IQCK: variants seen among roughly 807,000 people sequenced by gnomAD.
IQCK encodes IQ domain-containing protein K.
In IQCK, 29 loss-of-function variants were observed where a neutral mutation model predicts 28.1. That is an observed-to-expected ratio of 1.03 (90% confidence interval 0.77 to 1.41). The LOEUF is 1.41. Ranked by LOEUF, IQCK falls within the 40% of genes most tolerant of loss-of-function variation. The probability of loss-of-function intolerance (pLI) is 0.00; values close to 1 mark genes in which losing one functional copy is unlikely to be tolerated. For synonymous variants in IQCK, 113 were observed against 115.1 expected, an observed-to-expected ratio of 0.98 and a Z score of 0.12; for missense variants, 359 against 314.7, an observed-to-expected ratio of 1.14 and a Z score of -1.07.
chr16:19,827,625 G>A (rs956319208), downstream of IQCK, among the ~76,000 whole-genome samples: 1 of 152,018 alleles, frequency 6.6e-6, no homozygotes, highest in Non-Finnish European at 1.5e-5. Flanking sequence ...TTTCCAGAGA[G>A]ATTAGCATTT....
downstream of IQCK, among the ~76,000 whole-genome samples, chr16:19,828,794 T>C (rs142766608): frequency 6.2e-3 from 919 of 147,732 alleles, 7 homozygotes; most frequent in Middle Eastern, 0.032. Context: ...GAGGTTGCAG[T>C]GAGCCGAGAT....
intron 7 of IQCK, among the ~76,000 whole-genome samples, chr16:19,821,758 C>T (rs185131346): frequency 1.3e-5 from 2 of 151,884 alleles, no homozygotes; most frequent in African/African-American, 4.8e-5. Flanking sequence ...TCCCAATAGC[C>T]AAAAGGTAGG....
Position 19,837,996 on chromosome 16 carries a change from C to G in IQCK, c.802+10859C>G, listed in dbSNP as rs564330815. Among the ~76,000 whole-genome samples, 11 of 152,334 alleles carry G rather than the reference C, an allele frequency of 7.2e-5. No homozygotes were observed. The South Asian group carries it at 2.3e-3, about 32-fold the overall frequency. The stretch of plus-strand genomic sequence containing the variant: ...TGTGCAATTTACCAGCTACATGGAC[C>G]TTGTTTTCTGCTTTGAAAAATTGAA... On this transcript the variant is annotated intron_variant, in intron 9 of 9. Coordinates refer to the IQCK transcript ENST00000320394.
intron 7 of IQCK, among the ~76,000 whole-genome samples, chr16:19,816,758 G>C (rs1444064017): frequency 6.6e-6 from 1 of 152,206 alleles, no homozygotes; most frequent in African/African-American, 2.4e-5. Context: ...CAACCTCAGA[G>C]CTGAATCCAG....
intron 1 of IQCK, among the ~76,000 whole-genome samples, chr16:19,722,687 C>G (rs1484340288): frequency 1.3e-5 from 2 of 151,942 alleles, no homozygotes; most frequent in Non-Finnish European, 2.9e-5. Context: ...ATGTTACCAT[C>G]GTTCACTCAG....
chr16:19,814,246 A>AC (rs2055950706), intron 7 of IQCK, among the ~76,000 whole-genome samples: 2 of 146,240 alleles, frequency 1.4e-5, no homozygotes, highest in South Asian at 2.2e-4. Flanking sequence ...AAAAAAAAAA[A>AC]CCACAAAAAT....
intron 2 of IQCK, among the ~76,000 whole-genome samples, chr16:19,731,543 G>A (rs1977838438): frequency 2.0e-5 from 3 of 152,130 alleles, no homozygotes; most frequent in Admixed American, 2.0e-4. Context: ...TCTCTTCCCT[G>A]AATTCTCTGT....
At chr16:19,762,630 T>C (rs2055164663) in intron 4 of IQCK, among the ~76,000 whole-genome samples, 1 of 152,134 alleles carries the variant, frequency 6.6e-6, no homozygotes, top group African/African-American at 2.4e-5. Flanking sequence ...TAACCTCCCT[T>C]CCTTTTTCCT....
At chr16:19,733,714 A>T in exon 3 of IQCK, 1 of 1,614,190 alleles carries the variant, frequency 6.2e-7, no homozygotes, top group Non-Finnish European at 8.5e-7. Context: ...CCAGTAGAGG[A>T]AATGCTTTTT....
At chr16:19,840,132 G>T (rs2056348383) in intron 9 of IQCK, among the ~76,000 whole-genome samples, 5 of 152,162 alleles carry the variant, frequency 3.3e-5, no homozygotes, top group Admixed American at 3.3e-4. Context: ...AAGGCTGGTG[G>T]ATCACCTGAG....
intron 6 of IQCK, among the ~76,000 whole-genome samples, chr16:19,777,698 C>T (rs1397369057): frequency 1.3e-5 from 2 of 152,120 alleles, no homozygotes; most frequent in Non-Finnish European, 2.9e-5. Context: ...GGCCCTTTCT[C>T]AGGCGCACTC....
chr16:19,830,966 A>T (rs1392125084), downstream of IQCK, among the ~76,000 whole-genome samples: 1 of 152,196 alleles, frequency 6.6e-6, no homozygotes, highest in Non-Finnish European at 1.5e-5. Context: ...ATGGGCTTTC[A>T]TGTAGGACCG....
chr16:19,809,571 C>T (rs2055876329), intron 7 of IQCK, among the ~76,000 whole-genome samples: 1 of 152,206 alleles, frequency 6.6e-6, no homozygotes, highest in Non-Finnish European at 1.5e-5. Context: ...TTGCACAACA[C>T]AGCACTTCAG....
intron 6 of IQCK, 176 bp downstream of exon 6, chr16:19,764,288 G>T: frequency 4.0e-6 from 2 of 500,496 alleles, no homozygotes; most frequent in Non-Finnish European, 7.1e-6. Flanking sequence ...TCCTAATCAG[G>T]CCAGTAATTT....
intron 9 of IQCK, among the ~76,000 whole-genome samples, chr16:19,848,891 C>T (rs1242879009): frequency 3.3e-5 from 5 of 152,112 alleles, no homozygotes; most frequent in Admixed American, 2.0e-4. Context: ...AGAAACTTTT[C>T]CTAGCAAACA....
At chr16:19,786,741 G>A (rs1852410250) in intron 6 of IQCK, among the ~76,000 whole-genome samples, 1 of 132,436 alleles carries the variant, frequency 7.6e-6, no homozygotes, top group South Asian at 2.3e-4. Flanking sequence ...GGGAAAGAAC[G>A]GAAAGAAAGG....
At chr16:19,815,375 C>T (rs534562510) in intron 7 of IQCK, among the ~76,000 whole-genome samples, 39 of 152,202 alleles carry the variant, frequency 2.6e-4, no homozygotes, top group Middle Eastern at 3.4e-3. Context: ...TAAAGGCCGA[C>T]GCCAGTGGCT....
intron 6 of IQCK, among the ~76,000 whole-genome samples, chr16:19,772,160 T>C (rs1208589496): frequency 6.6e-6 from 1 of 152,234 alleles, no homozygotes; most frequent in African/African-American, 2.4e-5. Flanking sequence ...TTTTAAAGAA[T>C]GTCTTACATT....
intron 1 of IQCK, among the ~76,000 whole-genome samples, chr16:19,721,858 G>A (rs551958559): frequency 2.6e-5 from 4 of 152,154 alleles, no homozygotes; most frequent in Non-Finnish European, 4.4e-5. Flanking sequence ...GATTACAGGC[G>A]TGAGCCACCG....
Sources: gnomAD v4.1 joint callset for allele counts (sites outside exome capture counted in the v4.1 genomes callset) on GRCh38, gnomAD v4.1.1 for gene constraint, MANE v1.5 for transcripts, NCBI Gene and HGNC (gene_info 2026-07-23, HGNC 2026-07-21) for gene names.